Variants in SEMA3C observed in about 807,000 individuals in gnomAD.
SEMA3C encodes semaphorin-3C.
In SEMA3C, 47 loss-of-function variants were observed where a neutral mutation model predicts 89.4. The ratio of observed to expected loss-of-function variants is 0.53; its 90% CI spans 0.42 to 0.67. SEMA3C has a LOEUF of 0.67. Among genes scored for constraint, SEMA3C ranks in the 30% least tolerant of loss-of-function variants. The pLI is 0.00. For missense variants in SEMA3C, 839 were observed against 929.1 expected (o/e 0.90, Z 1.26); for synonymous variants, 310 against 320.2 (o/e 0.97, Z 0.34).
At chr7:80,861,238 AT>A (rs997121048) in intron 2 of SEMA3C, among the ~76,000 whole-genome samples, 1 of 152,148 alleles carries the variant, frequency 6.6e-6, no homozygotes, top group South Asian at 2.1e-4. Context: ...AGAAATACAT[AT>A]TTTTTATACA....
intron 2 of SEMA3C, among the ~76,000 whole-genome samples, chr7:80,846,892 G>A (rs1790404013): frequency 1.3e-5 from 2 of 152,142 alleles, no homozygotes; most frequent in African/African-American, 2.4e-5. Context: ...TAGCTGAAGA[G>A]CAGCAGAGCC....
chr7:80,761,469 A>C lies in SEMA3C; in HGVS notation c.1485+147T>G, dbSNP rs529281112. ...TAATACCTTGTAAGTTCTACATCAA[A>C]ATTAAAGGTGACTTTGCGGTATACT... On this transcript the variant is annotated intron_variant, in intron 14 of 17. Coordinates refer to ENST00000265361, the MANE Select transcript of SEMA3C (RefSeq NM_006379.5). 150 of 465,384 alleles carry C rather than the reference A, an allele frequency of 3.2e-4. 1 individual carries two copies. Among genetic ancestry groups the C allele is most frequent in the Admixed American group, 1.1e-3 (26 of 23,760 alleles). 28.8% of individuals were successfully genotyped at this position (465,384 alleles called of 1,614,324 possible).
chr7:80,847,780 A>G (rs1415058089), intron 2 of SEMA3C, among the ~76,000 whole-genome samples: 1 of 152,140 alleles, frequency 6.6e-6, no homozygotes, highest in African/African-American at 2.4e-5. Flanking sequence ...TCATTGTAGA[A>G]AGCATACGCT....
At chr7:80,827,402 T>TG (rs776523246) in intron 4 of SEMA3C, 23 bp downstream of exon 4, 27 of 1,481,152 alleles carry the variant, frequency 1.8e-5, no homozygotes, top group South Asian at 2.8e-5. Flanking sequence ...GTTTTTTTTT[T>TG]TTTTTTTTTT....
At chr7:80,745,563 T>C (rs764867207) in intron 17 of SEMA3C, among the ~76,000 whole-genome samples, 1 of 151,678 alleles carries the variant, frequency 6.6e-6, no homozygotes, top group Non-Finnish European at 1.5e-5. Context: ...TCAGCAAAAA[T>C]AGCTTAAAGT....
At chr7:80,889,044 G>C (rs1241329249) in intron 2 of SEMA3C, among the ~76,000 whole-genome samples, 1 of 152,002 alleles carries the variant, frequency 6.6e-6, no homozygotes, top group Admixed American at 6.6e-5. Context: ...TTGTGTTTTA[G>C]TAGAGATGGG....
At chr7:80,861,704 A>T (rs932333358) in intron 2 of SEMA3C, among the ~76,000 whole-genome samples, 4 of 152,190 alleles carry the variant, frequency 2.6e-5, no homozygotes, top group African/African-American at 9.6e-5. Context: ...ATTCTTCACC[A>T]ACCATTGTAC....
At chr7:80,897,247 G>A (rs1034615815) in intron 2 of SEMA3C, among the ~76,000 whole-genome samples, 1 of 152,116 alleles carries the variant, frequency 6.6e-6, no homozygotes, top group South Asian at 2.1e-4. Flanking sequence ...CATTGTATTT[G>A]GGAATTCCCA....
Position 80,805,712 on chromosome 7 carries a change from A to G in SEMA3C, c.585T>C (p.Asp195=). The G allele has an allele frequency of 1.2e-6, 2 of 1,608,738 alleles. No homozygotes were observed. Among genetic ancestry groups the G allele is most frequent in the Non-Finnish European group, 1.7e-6 (2 of 1,175,534 alleles). Residue 195 remains aspartate (D), a synonymous_variant, in exon 7 of 18, where the codon GAT becomes GAC. Coordinates refer to ENST00000265361, the MANE Select transcript of SEMA3C (RefSeq NM_006379.5). The part of the protein sequence containing the change: ...SGMYIDFMGT[D]AAIFRSLTKR... ...TGGTTAAACTTCGAAAAATAGCAGC[A>G]TCTGTCCCCATGAAATCTATATACA...
rs552220338 is a variant in SEMA3C at position 80,789,402 on chromosome 7, T to C, written c.1258A>G (p.Ile420Val). 1.2e-6 allele frequency: 2 copies of C among 1,614,030 alleles called. No homozygotes were observed. The highest frequency in any genetic ancestry group is 1.6e-4 in the Middle Eastern group (1 of 6,062). ...SIYPIHKRPLIVRIGTDYKYT... is the reference protein window; with the variant it reads ...SIYPIHKRPLVVRIGTDYKYT... ...TTGTAGTCAGTGCCAATACGAACAA[T>C]CAAAGGCCTTTTGTGGATTGGGTAG... Residue 420 changes from isoleucine (I) to valine (V), a missense_variant, in exon 12 of 18, where the codon ATT (isoleucine) becomes GTT (valine). Ile to Val is a conservative substitution (Grantham distance 29). Transcript: ENST00000265361.
chr7:80,823,786 A>G (rs188673310), intron 4 of SEMA3C, among the ~76,000 whole-genome samples: 2 of 152,238 alleles, frequency 1.3e-5, no homozygotes, highest in Non-Finnish European at 2.9e-5. Context: ...TTTACATAGT[A>G]CATCCATTAA....
At chr7:80,882,191 A>G (rs993227836) in intron 2 of SEMA3C, among the ~76,000 whole-genome samples, 3 of 152,022 alleles carry the variant, frequency 2.0e-5, no homozygotes, top group African/African-American at 7.2e-5. Flanking sequence ...AATGCCACTG[A>G]CTCAATACTG....
chr7:80,800,933 A>T (rs1264131154), intron 9 of SEMA3C, 107 bp from the exon 10 acceptor site: 2 of 593,902 alleles, frequency 3.4e-6, no homozygotes, highest in East Asian at 6.8e-5. Flanking sequence ...CTCTGCAAAA[A>T]GATATTCCTG....
Position 80,743,488 on chromosome 7 carries a change from GGTACAATATCT to G in SEMA3C, c.*1395_*1405del, listed in dbSNP as rs907474122. On this transcript the variant is annotated 3_prime_UTR_variant, in exon 18 of 18. Transcript: ENST00000265361. Reference sequence around the variant, plus strand: ...TATATGATATTTGGATTAGGTACATGGTACAATATCTGTTTTTACCTGGAAGCATGAAAATG... The same window carrying G: ...TATATGATATTTGGATTAGGTACATGGTTTTTACCTGGAAGCATGAAAATG... 6.6e-6 allele frequency: 1 copy of G among 151,508 alleles called. No homozygotes were observed. The highest frequency in any genetic ancestry group is 1.5e-5 in the Non-Finnish European group (1 of 67,724). The allele number at this position is 151,508 out of a possible 1,614,324, so 9.4% of individuals were successfully genotyped here. A position where few individuals can be genotyped will look rare whatever the true frequency, so the allele number is the denominator to read the frequency against.
At chr7:80,807,714 T>G (rs1473139341) in intron 6 of SEMA3C, among the ~76,000 whole-genome samples, 1 of 152,182 alleles carries the variant, frequency 6.6e-6, no homozygotes, top group African/African-American at 2.4e-5. Context: ...ACACTGAACT[T>G]GCAAAACTAC....
intron 4 of SEMA3C, among the ~76,000 whole-genome samples, chr7:80,824,534 T>A (rs1351758621): frequency 1.3e-5 from 2 of 152,156 alleles, no homozygotes; most frequent in East Asian, 1.9e-4. Flanking sequence ...TTTTTCGAAT[T>A]TCAGTATCAT....
chr7:80,892,242 T>A (rs1791632813), intron 2 of SEMA3C, among the ~76,000 whole-genome samples: 1 of 152,160 alleles, frequency 6.6e-6, no homozygotes. Context: ...ATCCTGCAGT[T>A]CTCTATAATG....
chr7:80,794,758 T>C (rs1789022460), intron 11 of SEMA3C, among the ~76,000 whole-genome samples: 2 of 152,234 alleles, frequency 1.3e-5, no homozygotes, highest in African/African-American at 4.8e-5. Context: ...CAGAATAATG[T>C]AATATGTTTG....
intron 5 of SEMA3C, among the ~76,000 whole-genome samples, chr7:80,814,077 TTTTTTTC>T (rs1789538795): frequency 6.9e-6 from 1 of 145,618 alleles, no homozygotes; most frequent in African/African-American, 2.6e-5. Flanking sequence ...CTGTTCCTTT[TTTTTTTC>T]TTTTTTCTTT....
Sources: gnomAD v4.1 joint callset for allele counts (sites outside exome capture counted in the v4.1 genomes callset) on GRCh38, gnomAD v4.1.1 for gene constraint, MANE v1.5 for transcripts, NCBI Gene and HGNC (gene_info 2026-07-23, HGNC 2026-07-21) for gene names.